Variants in METTL9 observed in about 807,000 individuals in gnomAD.
METTL9 encodes the protein protein-L-histidine N-pros-methyltransferase.
In METTL9, 10 loss-of-function variants were observed where a neutral mutation model predicts 36.0. The ratio of observed to expected loss-of-function variants is 0.28; its 90% CI spans 0.17 to 0.47. METTL9 has a LOEUF of 0.47. Ranked by LOEUF, METTL9 falls within the 20% of genes least tolerant of loss-of-function variation. The pLI is 0.99. For missense variants in METTL9, 246 were observed against 383.5 expected, an observed-to-expected ratio of 0.64 and a Z score of 3.00; for synonymous variants, 175 against 149.7, an observed-to-expected ratio of 1.17 and a Z score of -1.23.
intron 3 of METTL9, among the ~76,000 whole-genome samples, chr16:21,619,145 G>A (rs554470539): frequency 1.4e-4 from 21 of 152,088 alleles, no homozygotes; most frequent in Non-Finnish European, 2.6e-4. Flanking sequence ...TACAGATACC[G>A]ACTTGAGCCC....
At chr16:21,633,069 A>G (rs1187831271) in intron 4 of METTL9, among the ~76,000 whole-genome samples, 2 of 152,096 alleles carry the variant, frequency 1.3e-5, no homozygotes, top group East Asian at 1.9e-4. Flanking sequence ...ATCTCGCTGT[A>G]TCTGGGGATC....
At chr16:21,628,606 A>G (rs781712342) in intron 4 of METTL9, among the ~76,000 whole-genome samples, 2 of 151,894 alleles carry the variant, frequency 1.3e-5, no homozygotes, top group Non-Finnish European at 2.9e-5. Context: ...CTATTCTCCC[A>G]CCTCAGCCTC....
rs148637455 is a variant in METTL9, at chr16:21,628,601, C to T, written c.751+3486C>T. ...CTTGACCTCCTGGGCTCAAGCTATT[C>T]TCCCACCTCAGCCTCCTGAGTAGCT... On this transcript the variant is annotated intron_variant, in intron 4 of 4. Coordinates refer to ENST00000358154, the MANE Select transcript of METTL9 (RefSeq NM_016025.5). 1.1e-4 allele frequency among the ~76,000 whole-genome samples: 16 copies of T among 152,208 alleles called. No individual in the cohort carries two copies. The East Asian group carries it at 3.1e-3, about 29-fold the overall frequency.
upstream of METTL9, chr16:21,599,476 G>T: frequency 2.5e-6 from 3 of 1,179,022 alleles, no homozygotes; most frequent in South Asian, 3.5e-5. This position sits in a 1 kb window ranked among gnomAD's most constrained non-coding sequence, Gnocchi z 4.4. Context: ...AAAGCGACGC[G>T]GCCGCTCGTA....
At chr16:21,602,665 G>T (rs1286184420) in intron 1 of METTL9, among the ~76,000 whole-genome samples, 2 of 150,002 alleles carry the variant, frequency 1.3e-5, no homozygotes, top group Admixed American at 1.3e-4. Context: ...CAAATAAAGT[G>T]TTTTTTTTTT....
intron 4 of METTL9, among the ~76,000 whole-genome samples, chr16:21,637,006 C>T (rs897554694): frequency 6.6e-6 from 1 of 152,166 alleles, no homozygotes; most frequent in Non-Finnish European, 1.5e-5. Flanking sequence ...AAGCTGCAGA[C>T]CTTTGCAGTG....
chr16:21,652,112 C>G (rs117496868), intron 4 of METTL9: 3,666 of 152,716 alleles, frequency 0.024, 62 homozygotes, highest in Non-Finnish European at 0.036. Context: ...TATGGGATGG[C>G]TATTGGAGTC....
intron 4 of METTL9, among the ~76,000 whole-genome samples, chr16:21,651,535 C>A (rs890540849): frequency 6.6e-6 from 1 of 152,012 alleles, no homozygotes; most frequent in East Asian, 1.9e-4. Flanking sequence ...CTCCTGAGCT[C>A]AAGTGATCCT....
intron 4 of METTL9, among the ~76,000 whole-genome samples, chr16:21,644,754 G>A (rs117059957): frequency 9.5e-4 from 144 of 152,182 alleles, no homozygotes; most frequent in Non-Finnish European, 1.8e-3. Context: ...TGGTAGAAAC[G>A]GTTTACCAGT....
chr16:21,604,903 T>A (rs1458489118), intron 1 of METTL9, among the ~76,000 whole-genome samples: 1 of 152,200 alleles, frequency 6.6e-6, no homozygotes, highest in Non-Finnish European at 1.5e-5. Flanking sequence ...AGTTTGGTTT[T>A]TAGGCATTCC....
chr16:21,600,823 T>C (rs1374748063), intron 1 of METTL9, among the ~76,000 whole-genome samples: 1 of 152,230 alleles, frequency 6.6e-6, no homozygotes, highest in Non-Finnish European at 1.5e-5. Flanking sequence ...AGTGTTGGCT[T>C]GTCATAGCTA....
At position 21,611,048 on chromosome 16, in the gene METTL9, G is replaced by GA. The variant is rs140949059; in HGVS notation, c.166-1591dup. ...AAGCAAGAACATTTTCAGACCAAGG[G>GA]AAAAAATGTAGGCAGTGAATGTAAA... is the stretch of plus-strand genomic sequence containing the variant. On this transcript the variant is annotated intron_variant, in intron 1 of 4. Transcript: ENST00000358154. Among the ~76,000 whole-genome samples, 1,346 of 152,036 alleles carry GA rather than the reference G, an allele frequency of 8.9e-3. 46 individuals carry two copies. The highest frequency in any genetic ancestry group is 0.083 in the East Asian group (427 of 5,166).
chr16:21,622,149 T>TTTTTTTTTTTTTTTTTTTC (rs1965718545), intron 3 of METTL9, among the ~76,000 whole-genome samples: 1 of 112,540 alleles, frequency 8.9e-6, no homozygotes, highest in Non-Finnish European at 1.8e-5. Flanking sequence ...GCCTTTTTTT[T>TTTTTTTTTTTTTTTTTTTC]TTTTTTTTTT....
chr16:21,631,788 G>A (rs1458181058), intron 4 of METTL9, among the ~76,000 whole-genome samples: 1 of 152,188 alleles, frequency 6.6e-6, no homozygotes, highest in Non-Finnish European at 1.5e-5. Flanking sequence ...CAACAAGGTG[G>A]TATTGGAGTG....
intron 4 of METTL9, among the ~76,000 whole-genome samples, chr16:21,635,851 G>A (rs1966078802): frequency 6.6e-6 from 1 of 152,120 alleles, no homozygotes; most frequent in Admixed American, 6.5e-5. Flanking sequence ...TGGAATAGTT[G>A]CGCTCACCGA....
At chr16:21,643,216 A>T (rs1597782950) in intron 4 of METTL9, 2 of 1,284,432 alleles carry the variant, frequency 1.6e-6, no homozygotes, top group East Asian at 4.6e-5. Flanking sequence ...ATAACGACGC[A>T]TCATCAGAAC....
chr16:21,612,708 C>G lies in METTL9; in HGVS notation c.229C>G (p.Leu77Val). ...SLQAVFVQSY[L>V]DQGTQIFLNN... ...CCAGGCTGTCTTTGTTCAGAGTTAC[C>G]TTGATCAAGGAACACAGATCTTCTT... Residue 77 changes from leucine (L) to valine (V), a missense_variant, in exon 2 of 5, where the codon CTT becomes GTT. Leu to Val is a conservative substitution (Grantham distance 32). This residue lies in a region of METTL9 where 146 missense variants were observed against 302.1 expected (regional missense o/e 0.48). Coordinates refer to ENST00000358154, the MANE Select transcript of METTL9 (RefSeq NM_016025.5). 1 of 1,609,856 alleles carries G rather than the reference C, an allele frequency of 6.2e-7. No individual in the cohort carries two copies. The highest frequency in any genetic ancestry group is 1.7e-4 in the Middle Eastern group (1 of 6,052).
At chr16:21,636,710 C>T (rs1344170883) in intron 4 of METTL9, among the ~76,000 whole-genome samples, 1 of 152,202 alleles carries the variant, frequency 6.6e-6, no homozygotes, top group Non-Finnish European at 1.5e-5. Flanking sequence ...CCGCTCCCAA[C>T]TCTGAAGAGT....
At chr16:21,597,269 C>T (rs1964966877), upstream of METTL9, 2 of 1,288,890 alleles carry the variant, frequency 1.6e-6, no homozygotes, top group Non-Finnish European at 1.0e-6. Flanking sequence ...GATCGAAAGA[C>T]CACGAGCTGG....
Sources: allele counts gnomAD v4.1 joint callset (sites outside exome capture counted in the v4.1 genomes callset), GRCh38; gene constraint gnomAD v4.1.1; regional missense constraint gnomAD v4.1.1; non-coding constraint Gnocchi (gnomAD v3.1); transcripts MANE v1.5; gene names NCBI Gene and HGNC (gene_info 2026-07-23, HGNC 2026-07-21).